FBXW4: variants seen among roughly 807,000 people sequenced by gnomAD.
FBXW4 encodes F-box/WD repeat-containing protein 4.
Under a neutral mutation model 61.8 loss-of-function variants are expected in FBXW4, and 40 were observed. The ratio of observed to expected loss-of-function variants is 0.65; its 90% CI spans 0.50 to 0.84. The LOEUF is 0.84. Ranked by LOEUF, FBXW4 falls within the 40% of genes least tolerant of loss-of-function variation. The probability of loss-of-function intolerance (pLI) is 0.00; values close to 1 mark genes in which losing one functional copy is unlikely to be tolerated. For synonymous variants in FBXW4, 311 were observed against 313.8 expected (o/e 0.99, Z 0.10); for missense variants, 672 against 753.8 (o/e 0.89, Z 1.27).
chr10:101,639,331 A>T (rs920273011), intron 5 of FBXW4, among the ~76,000 whole-genome samples: 1 of 152,230 alleles, frequency 6.6e-6, no homozygotes, highest in African/African-American at 2.4e-5. Flanking sequence ...CAAAGGAGGA[A>T]TCCTTATTTG....
rs2064662687 is a variant in FBXW4, at chr10:101,695,082, C to G, written c.24G>C (p.Gly8=). ...CGCCGGGCCCGCCGTTCCCGGGGGG[C>G]CCCGAGCGGCCCTGGCTGCCCATGA... MGSQGRS[G]PPGNGGPGEG... Residue 8 remains glycine, a synonymous_variant, in exon 1 of 9, where the codon GGG becomes GGC. Coordinates refer to ENST00000331272, the MANE Select transcript of FBXW4 (RefSeq NM_022039.4). The surrounding 1 kb of genome is among the most constrained non-coding windows in gnomAD (Gnocchi z 4.2). 2 of 988,436 alleles carry G rather than the reference C, an allele frequency of 2.0e-6. No individual in the cohort carries two copies. Among genetic ancestry groups the G allele is most frequent in the African/African-American group, 1.7e-5 (1 of 57,444 alleles). The allele number at this position is 988,436 out of a possible 1,614,324, so 61.2% of individuals were successfully genotyped here. A position where few individuals can be genotyped will look rare whatever the true frequency, so the allele number is the denominator to read the frequency against.
chr10:101,666,907 C>T (rs1336275317), intron 5 of FBXW4, among the ~76,000 whole-genome samples: 3 of 148,500 alleles, frequency 2.0e-5, no homozygotes, highest in Non-Finnish European at 3.0e-5. Context: ...AAAAAAACAA[C>T]AGAAACAAAA....
chr10:101,652,858 A>C (rs757008464), intron 5 of FBXW4, among the ~76,000 whole-genome samples: 2 of 152,124 alleles, frequency 1.3e-5, no homozygotes, highest in Non-Finnish European at 1.5e-5. Context: ...CCAGGCTCCT[A>C]GTTTTCCTTC....
intron 5 of FBXW4, among the ~76,000 whole-genome samples, chr10:101,654,111 C>T (rs1203202932): frequency 1.1e-5 from 1 of 89,194 alleles, no homozygotes; most frequent in Non-Finnish European, 2.1e-5. Flanking sequence ...CAGAGCGAGA[C>T]TCCGTCTTAA....
chr10:101,654,754 C>A (rs1320961622), intron 5 of FBXW4, among the ~76,000 whole-genome samples: 2 of 152,208 alleles, frequency 1.3e-5, no homozygotes, highest in Non-Finnish European at 2.9e-5. Context: ...GGCTACATAG[C>A]ATTTTATTGA....
chr10:101,635,876 C>T (rs534170214), intron 5 of FBXW4, among the ~76,000 whole-genome samples: 19 of 151,852 alleles, frequency 1.3e-4, no homozygotes, highest in Non-Finnish European at 2.5e-4. Context: ...GAGGGGCACC[C>T]CTCCAGCATC....
chr10:101,628,099 G>C (rs2063921812), intron 5 of FBXW4: 1 of 433,088 alleles, frequency 2.3e-6, no homozygotes, highest in Non-Finnish European at 3.1e-6. Flanking sequence ...GGAGATCAAT[G>C]AAATGAAAAC....
At chr10:101,664,763 G>C (rs2064282565) in intron 5 of FBXW4, among the ~76,000 whole-genome samples, 1 of 152,124 alleles carries the variant, frequency 6.6e-6, no homozygotes, top group Non-Finnish European at 1.5e-5. Flanking sequence ...CCCTTTTTGA[G>C]GATCACTTGA....
chr10:101,694,594 C>T lies in FBXW4; in HGVS notation c.512G>A (p.Arg171Gln), dbSNP rs1299627172. The change falls in exon 1 of 9, where the codon CGG (arginine) becomes CAG (glutamine). Residue 171 changes from arginine (R) to glutamine (Q), a missense_variant. Physicochemically the swap from Arg to Gln is conservative, Grantham distance 43 (BLOSUM62 1). Around this residue, in one of 5 missense-constraint regions of FBXW4, gnomAD observed 311 missense variants for 301.1 expected, o/e 1.03. Transcript: ENST00000331272. This position sits in a 1 kb window ranked among gnomAD's most constrained non-coding sequence, Gnocchi z 6.0. ...CGCGGCCGGGCGGGCAGCCGACTCC[C>T]GAGCCGCCTCCTCCTCCTCCTCCTC... The part of the protein sequence containing the change: ...GEEEEEEEAA[R>Q]ESAARPAAGP... The T allele has an allele frequency of 2.8e-6, 4 of 1,452,798 alleles. No homozygotes were observed. Among genetic ancestry groups the T allele is most frequent in the Non-Finnish European group, 3.6e-6 (4 of 1,112,772 alleles). 90.0% of individuals were successfully genotyped at this position (1,452,798 alleles called of 1,614,324 possible). A position where few individuals can be genotyped will look rare whatever the true frequency, so the allele number is the denominator to read the frequency against.
intron 5 of FBXW4, among the ~76,000 whole-genome samples, chr10:101,643,600 C>G (rs2064072201): frequency 6.6e-6 from 1 of 152,222 alleles, no homozygotes; most frequent in Admixed American, 6.5e-5. Context: ...CAAGGAAACT[C>G]CACACAGATC....
Position 101,675,046 on chromosome 10 carries a change from C to T in FBXW4, c.821+1295G>A, listed in dbSNP as rs371243446. Among the ~76,000 whole-genome samples, 91 of 152,176 alleles carry T rather than the reference C, an allele frequency of 6.0e-4. 1 individual carries two copies. The highest frequency in any genetic ancestry group is 3.2e-3 in the Middle Eastern group (1 of 316). On this transcript the variant is annotated intron_variant, in intron 2 of 8. Transcript: ENST00000331272. ...CTGGGCTGTGTTTCTTCCCCAGACT[C>T]GTACAAGTGTCATGGGAATGTGGAA...
At chr10:101,643,339 T>G (rs1476278705) in intron 5 of FBXW4, among the ~76,000 whole-genome samples, 1 of 152,250 alleles carries the variant, frequency 6.6e-6, no homozygotes, top group African/African-American at 2.4e-5. Context: ...AACTCCCAGG[T>G]GCTGGGATTT....
intron 1 of FBXW4, among the ~76,000 whole-genome samples, chr10:101,688,095 C>T (rs1281240371): frequency 2.0e-5 from 3 of 152,152 alleles, no homozygotes; most frequent in Non-Finnish European, 4.4e-5. Flanking sequence ...CAGGAGAAGG[C>T]AGAGGAATGA....
At chr10:101,637,935 CA>C (rs1368466948) in intron 5 of FBXW4, among the ~76,000 whole-genome samples, 1 of 151,972 alleles carries the variant, frequency 6.6e-6, no homozygotes, top group African/African-American at 2.4e-5. Flanking sequence ...ATCAGAGTGG[CA>C]AAATTTTTCA....
intron 5 of FBXW4, among the ~76,000 whole-genome samples, chr10:101,644,551 C>T (rs2134849979): frequency 6.6e-6 from 1 of 152,262 alleles, no homozygotes; most frequent in African/African-American, 2.4e-5. Flanking sequence ...GCAGGGTGGC[C>T]ACAGTGCTGG....
intron 5 of FBXW4, among the ~76,000 whole-genome samples, chr10:101,641,886 C>A (rs2064056667): frequency 6.6e-6 from 1 of 152,040 alleles, no homozygotes; most frequent in Admixed American, 6.6e-5. Context: ...TGTGGCCAGG[C>A]ACAGGCACAG....
intron 1 of FBXW4, among the ~76,000 whole-genome samples, chr10:101,689,870 G>A (rs2064575092): frequency 6.6e-6 from 1 of 152,118 alleles, no homozygotes; most frequent in South Asian, 2.1e-4. Context: ...CAAGGCTACA[G>A]GACCCCTCCA....
At chr10:101,618,887 T>C (rs1314663311) in intron 6 of FBXW4, among the ~76,000 whole-genome samples, 1 of 146,436 alleles carries the variant, frequency 6.8e-6, no homozygotes, top group Non-Finnish European at 1.5e-5. Flanking sequence ...AAATGCCCCT[T>C]GGCAGAAAAA....
Position 101,693,990 on chromosome 10 carries a change from A to C in FBXW4, c.725+391T>G, listed in dbSNP as rs561238680. ...TATGATAGACCACTTAAGGAACCTG[A>C]GTCCTAGACCTGGACTCAAGGAATC... On this transcript the variant is annotated intron_variant, in intron 1 of 8. Transcript: ENST00000331272. 2.0e-5 allele frequency among the ~76,000 whole-genome samples: 3 copies of C among 152,366 alleles called. No individual in the cohort carries two copies. In the South Asian group the frequency reaches 6.2e-4, roughly 32 times the overall value.
Sources: gnomAD v4.1 joint callset for allele counts (sites outside exome capture counted in the v4.1 genomes callset) on GRCh38, gnomAD v4.1.1 for gene constraint, gnomAD v4.1.1 regional missense constraint, Gnocchi (gnomAD v3.1) non-coding constraint, MANE v1.5 for transcripts, NCBI Gene and HGNC (gene_info 2026-07-23, HGNC 2026-07-21) for gene names.